Variants in PPA2 observed in about 807,000 individuals in gnomAD.
PPA2 encodes inorganic pyrophosphatase 2, mitochondrial.
Under a neutral mutation model 49.5 loss-of-function variants are expected in PPA2, and 48 were observed. That is an observed-to-expected ratio of 0.97 (90% confidence interval 0.77 to 1.23). The LOEUF is 1.23. Among genes scored for constraint, PPA2 ranks in the 50% most tolerant of loss-of-function variants. PPA2 has a pLI of 0.00. For synonymous variants in PPA2, 131 were observed against 139.9 expected (o/e 0.94, Z 0.45); for missense variants, 429 against 410.1 (o/e 1.05, Z -0.40).
intron 6 of PPA2, among the ~76,000 whole-genome samples, chr4:105,429,767 C>CT (rs1723711917): frequency 6.6e-6 from 1 of 152,096 alleles, no homozygotes. Flanking sequence ...CCTGAGAATC[C>CT]TTTTACATTG....
rs1732936104 is a variant in PPA2, at chr4:105,369,491, GA to G, written c.*233del. 1 of 471,388 alleles carries G rather than the reference GA, an allele frequency of 2.1e-6. No homozygotes were observed. Among genetic ancestry groups the G allele is most frequent in the Non-Finnish European group, 3.8e-6 (1 of 263,452 alleles). The allele number at this position is 471,388 out of a possible 1,614,324, so 29.2% of individuals were successfully genotyped here. ...GCCCACCTCGGCCTCCCAAAGTGCT[GA>G]AATTACAGGCATGAGCCACCGTGCC... On this transcript the variant is annotated 3_prime_UTR_variant, in exon 12 of 12. Coordinates refer to ENST00000341695, the MANE Select transcript of PPA2 (RefSeq NM_176869.3).
chr4:105,390,845 A>G (rs543488938), intron 9 of PPA2, among the ~76,000 whole-genome samples: 1 of 152,342 alleles, frequency 6.6e-6, no homozygotes, highest in Non-Finnish European at 1.5e-5. Flanking sequence ...GTATATGCCC[A>G]AAGAAATATA....
At chr4:105,470,846 C>T (rs1052265702) in intron 1 of PPA2, among the ~76,000 whole-genome samples, 2 of 152,166 alleles carry the variant, frequency 1.3e-5, no homozygotes, top group South Asian at 4.2e-4. Flanking sequence ...TTAATTCAGT[C>T]GAGTGACTTG....
intron 7 of PPA2, chr4:105,405,910 C>T (rs1436401137): frequency 2.2e-6 from 1 of 451,072 alleles, no homozygotes; most frequent in Admixed American, 2.4e-5. Flanking sequence ...GGCAGGATGA[C>T]TATGCGATTT....
chr4:105,441,554 T>G (rs1724360718), intron 5 of PPA2, among the ~76,000 whole-genome samples: 2 of 152,068 alleles, frequency 1.3e-5, no homozygotes, highest in African/African-American at 4.8e-5. Flanking sequence ...ACTCATAATT[T>G]GACTAACAGG....
intron 3 of PPA2, among the ~76,000 whole-genome samples, chr4:105,451,207 G>A (rs2110309290): frequency 6.6e-6 from 1 of 152,164 alleles, no homozygotes; most frequent in African/African-American, 2.4e-5. Context: ...AGCCAAAGCT[G>A]GACTAAAGCA....
At position 105,443,654 on chromosome 4, in the gene PPA2, T is replaced by TC. The variant is rs1560633981; in HGVS notation, c.441+2728_441+2729insG. Among the ~76,000 whole-genome samples the TC allele has an allele frequency of 4.7e-5, 7 of 148,120 alleles. No individual in the cohort carries two copies. In the East Asian group the frequency reaches 1.4e-3, roughly 29 times the overall value. ...ACACACACAGACTCTCTCTCTCTTTTTCTCTCTCTCTCTCCAAGATCAGTC... is the reference window on the plus strand; with the variant it reads ...ACACACACAGACTCTCTCTCTCTTTTCTCTCTCTCTCTCTCCAAGATCAGTC... On this transcript the variant is annotated intron_variant, in intron 5 of 11. Coordinates refer to ENST00000341695, the MANE Select transcript of PPA2 (RefSeq NM_176869.3).
chr4:105,427,476 T>C (rs1442133023), intron 6 of PPA2, among the ~76,000 whole-genome samples: 1 of 152,162 alleles, frequency 6.6e-6, no homozygotes, highest in Non-Finnish European at 1.5e-5. Context: ...AATGGCTAAC[T>C]AGAATCAACA....
At chr4:105,379,404 T>G (rs1004933017) in intron 10 of PPA2, among the ~76,000 whole-genome samples, 2 of 150,894 alleles carry the variant, frequency 1.3e-5, no homozygotes, top group African/African-American at 4.9e-5. Context: ...TATATCTATA[T>G]GTGTGTATCT....
chr4:105,452,947 C>T (rs1354924743), intron 3 of PPA2, among the ~76,000 whole-genome samples: 1 of 151,918 alleles, frequency 6.6e-6, no homozygotes, highest in African/African-American at 2.4e-5. Context: ...TTCATTTTAG[C>T]ATACGGTTGG....
At chr4:105,464,409 G>A (rs1364579508) in intron 1 of PPA2, among the ~76,000 whole-genome samples, 1 of 152,174 alleles carries the variant, frequency 6.6e-6, no homozygotes, top group Non-Finnish European at 1.5e-5. Context: ...TAGGTAGAAG[G>A]GACTTGCCTT....
At position 105,446,369 on chromosome 4, in the gene PPA2, A is replaced by C. The variant is rs192764857; in HGVS notation, c.441+14T>G. 202 of 1,540,606 alleles carry C rather than the reference A, an allele frequency of 1.3e-4. 1 individual carries two copies. The East Asian group carries it at 4.2e-3, about 32-fold the overall frequency. On this transcript the variant is annotated intron_variant, in intron 5 of 11. Transcript: ENST00000341695. The stretch of plus-strand genomic sequence containing the variant: ...GAAGACAGGAACATTTTACCATTGT[A>C]ACAAAAATGTTACCTGAGGGAGGGT...
intron 6 of PPA2, among the ~76,000 whole-genome samples, chr4:105,436,518 C>T (rs1578859848): frequency 1.3e-5 from 2 of 148,812 alleles, no homozygotes; most frequent in Non-Finnish European, 3.0e-5. Flanking sequence ...CAAAGCAATC[C>T]TAAGCAAAAA....
At chr4:105,399,991 C>A (rs1329831970) in intron 7 of PPA2, among the ~76,000 whole-genome samples, 1 of 152,134 alleles carries the variant, frequency 6.6e-6, no homozygotes, top group Non-Finnish European at 1.5e-5. Flanking sequence ...ATTCTATATA[C>A]TACCCACCAT....
intron 9 of PPA2, among the ~76,000 whole-genome samples, chr4:105,389,642 A>G (rs1380131997): frequency 1.3e-5 from 2 of 151,936 alleles, no homozygotes; most frequent in Admixed American, 1.3e-4. Context: ...ACATATAAAA[A>G]TAATAAAGTA....
intron 10 of PPA2, among the ~76,000 whole-genome samples, chr4:105,376,810 G>A (rs995087113): frequency 2.0e-5 from 3 of 152,112 alleles, no homozygotes; most frequent in African/African-American, 7.2e-5. Flanking sequence ...CACTGAATAT[G>A]GCTCTCTCCT....
chr4:105,372,067 G>C (rs1041677540), intron 10 of PPA2, among the ~76,000 whole-genome samples: 1 of 152,174 alleles, frequency 6.6e-6, no homozygotes, highest in Non-Finnish European at 1.5e-5. Context: ...ATAGAGTCAG[G>C]AGCGTGGACC....
chr4:105,446,062 G>C (rs1240920308), intron 5 of PPA2: 3 of 202,524 alleles, frequency 1.5e-5, no homozygotes, highest in African/African-American at 4.6e-5. Flanking sequence ...ATGTTCAAAG[G>C]AATGACTGTA....
chr4:105,393,124 T>C (rs1733990483), intron 9 of PPA2, among the ~76,000 whole-genome samples: 1 of 152,158 alleles, frequency 6.6e-6, no homozygotes, highest in African/African-American at 2.4e-5. Flanking sequence ...CAAGAAGTGA[T>C]GGAAAATGAG....
Sources: allele counts gnomAD v4.1 joint callset (sites outside exome capture counted in the v4.1 genomes callset), GRCh38; gene constraint gnomAD v4.1.1; transcripts MANE v1.5; gene names NCBI Gene and HGNC (gene_info 2026-07-23, HGNC 2026-07-21).